The following PSMD14 variants were observed in gnomAD, a reference collection of about 807,000 sequenced individuals.
PSMD14 encodes the protein proteasome 26S subunit, non-ATPase 14.
A neutral mutation model predicts 41.2 loss-of-function variants in PSMD14; 7 were observed. The ratio of observed to expected loss-of-function variants is 0.17; its 90% CI spans 0.10 to 0.32. PSMD14 has a LOEUF of 0.32. Among genes scored for constraint, PSMD14 ranks in the 10% least tolerant of loss-of-function variants. The pLI is 1.00. For synonymous variants in PSMD14, 114 were observed against 122.3 expected, an observed-to-expected ratio of 0.93 and a Z score of 0.45; for missense variants, 139 against 375.6, an observed-to-expected ratio of 0.37 and a Z score of 5.21.
chr2:161,363,114 T>G (rs891143070), intron 3 of PSMD14, among the ~76,000 whole-genome samples: 3 of 152,168 alleles, frequency 2.0e-5, no homozygotes, highest in Admixed American at 2.0e-4. Flanking sequence ...CGGCATTATA[T>G]TCTCATAGGA....
intron 3 of PSMD14, among the ~76,000 whole-genome samples, chr2:161,355,560 C>CT (rs1308022922): frequency 1.3e-5 from 2 of 151,832 alleles, no homozygotes; most frequent in South Asian, 2.1e-4. Context: ...TTTTGTCTTT[C>CT]TTTTTTTCTT....
At chr2:161,373,541 T>C (rs1192991105) in intron 7 of PSMD14, among the ~76,000 whole-genome samples, 1 of 151,924 alleles carries the variant, frequency 6.6e-6, no homozygotes, top group Non-Finnish European at 1.5e-5. Flanking sequence ...AGTTAAATCA[T>C]GATACTTAGG....
intron 3 of PSMD14, among the ~76,000 whole-genome samples, chr2:161,332,388 TA>T (rs1378298960): frequency 6.6e-6 from 1 of 152,196 alleles, no homozygotes; most frequent in Non-Finnish European, 1.5e-5. Flanking sequence ...TTGTTTTATT[TA>T]AAAAAATTAT....
chr2:161,318,499 C>G (rs928492517), intron 2 of PSMD14, among the ~76,000 whole-genome samples: 1 of 152,094 alleles, frequency 6.6e-6, no homozygotes, highest in Non-Finnish European at 1.5e-5. Flanking sequence ...GGCACTTTTT[C>G]TACATTCAGG....
At chr2:161,328,836 CTCTT>C (rs1326282103) in intron 3 of PSMD14, among the ~76,000 whole-genome samples, 6 of 152,106 alleles carry the variant, frequency 3.9e-5, no homozygotes, top group African/African-American at 1.4e-4. Flanking sequence ...ATAATGTTCT[CTCTT>C]TAGTACACAA....
In PSMD14 at chr2:161,329,390, T is replaced by C. The variant is rs1016698333; in HGVS notation, c.48+10517T>C. On this transcript the variant is annotated intron_variant, in intron 3 of 11. Coordinates refer to ENST00000409682, the MANE Select transcript of PSMD14 (RefSeq NM_005805.6). ...TGCTATAAGCACTGGCATAGTAGTA[T>C]GCAAATGAGCAGACCTTTACAAAAT... 5.3e-5 allele frequency among the ~76,000 whole-genome samples: 8 copies of C among 152,260 alleles called. 1 individual carries two copies. In the Middle Eastern group the frequency reaches 0.024, roughly 453 times the overall value.
intron 3 of PSMD14, among the ~76,000 whole-genome samples, chr2:161,332,846 A>G (rs533688097): frequency 1.3e-5 from 2 of 152,260 alleles, no homozygotes; most frequent in Admixed American, 1.3e-4. Context: ...CCTTTCCAGT[A>G]ATTTTGGTTG....
chr2:161,398,937 A>G (rs1322983561), intron 10 of PSMD14, among the ~76,000 whole-genome samples: 1 of 152,154 alleles, frequency 6.6e-6, no homozygotes, highest in African/African-American at 2.4e-5. Context: ...TTGCAATCAA[A>G]CATAAAAATC....
In PSMD14 at chr2:161,342,798, A is replaced by G. The variant is rs1278079638; in HGVS notation, c.48+23925A>G. On this transcript the variant is annotated intron_variant, in intron 3 of 11. Coordinates refer to ENST00000409682, the MANE Select transcript of PSMD14 (RefSeq NM_005805.6). ...TCCTTTCTCTGACTCCTTTGAGATT[A>G]ATTGGATATTGTAATGATTCCATTA... Among the ~76,000 whole-genome samples the G allele has an allele frequency of 2.6e-5, 4 of 152,084 alleles. No individual in the cohort carries two copies. The East Asian group carries it at 7.7e-4, about 29-fold the overall frequency.
chr2:161,358,860 C>A (rs962190753), intron 3 of PSMD14, among the ~76,000 whole-genome samples: 1 of 152,132 alleles, frequency 6.6e-6, no homozygotes, highest in African/African-American at 2.4e-5. Flanking sequence ...AGAGTCACTT[C>A]AATATCTTTA....
intron 3 of PSMD14, among the ~76,000 whole-genome samples, chr2:161,356,003 T>C (rs997250660): frequency 6.6e-6 from 1 of 152,184 alleles, no homozygotes; most frequent in African/African-American, 2.4e-5. Context: ...TGCTCTACTC[T>C]TCTCTTCTGA....
At chr2:161,357,837 G>T (rs554638087) in intron 3 of PSMD14, among the ~76,000 whole-genome samples, 26 of 150,912 alleles carry the variant, frequency 1.7e-4, no homozygotes, top group African/African-American at 5.8e-4. Flanking sequence ...ATTCTAATAG[G>T]TATTATTAAA....
At chr2:161,361,624 A>G (rs1400060409) in intron 3 of PSMD14, among the ~76,000 whole-genome samples, 1 of 152,236 alleles carries the variant, frequency 6.6e-6, no homozygotes, top group East Asian at 1.9e-4. Context: ...TATGAGAAAA[A>G]GAAAACATAA....
At chr2:161,333,589 G>A (rs1682824913) in intron 3 of PSMD14, among the ~76,000 whole-genome samples, 1 of 152,238 alleles carries the variant, frequency 6.6e-6, no homozygotes. Context: ...GAATGAGAAT[G>A]CAGTGTAAAT....
chr2:161,311,786 T>C lies in PSMD14; in HGVS notation c.-138+3182T>C, dbSNP rs550416797. On this transcript the variant is annotated intron_variant, in intron 1 of 11. Coordinates refer to ENST00000409682, the MANE Select transcript of PSMD14 (RefSeq NM_005805.6). Reference sequence around the variant, plus strand: ...CCTGCCATCACGCCCGGCTAGTTTTTATATTTTTAGTAGAGACCAGGTTTC... The same window carrying C: ...CCTGCCATCACGCCCGGCTAGTTTTCATATTTTTAGTAGAGACCAGGTTTC... Among the ~76,000 whole-genome samples the C allele has an allele frequency of 2.0e-5, 3 of 152,080 alleles. No homozygotes were observed. The East Asian group carries it at 5.8e-4, about 29-fold the overall frequency.
intron 3 of PSMD14, among the ~76,000 whole-genome samples, chr2:161,349,692 G>T (rs992958297): frequency 1.3e-5 from 2 of 152,164 alleles, no homozygotes; most frequent in African/African-American, 4.8e-5. Context: ...TACATGATGA[G>T]GAGAAGAGTT....
At chr2:161,346,008 C>CTGT (rs1683036783) in intron 3 of PSMD14, among the ~76,000 whole-genome samples, 1 of 152,126 alleles carries the variant, frequency 6.6e-6, no homozygotes, top group Non-Finnish European at 1.5e-5. Flanking sequence ...CCTCCCACCT[C>CTGT]AGTCTCCCGA....
At chr2:161,340,863 T>G in intron 3 of PSMD14, 1 of 1,614,000 alleles carries the variant, frequency 6.2e-7, no homozygotes, top group South Asian at 1.1e-5. Flanking sequence ...GGTCATCATC[T>G]TCTCGTACTG....
intron 1 of PSMD14, among the ~76,000 whole-genome samples, chr2:161,315,789 A>C (rs1405810709): frequency 6.6e-6 from 1 of 151,832 alleles, no homozygotes; most frequent in Non-Finnish European, 1.5e-5. Flanking sequence ...CAGTAATGAC[A>C]TGATAGAATG....
Sources: gnomAD v4.1 joint callset for allele counts (sites outside exome capture counted in the v4.1 genomes callset) on GRCh38, gnomAD v4.1.1 for gene constraint, MANE v1.5 for transcripts, NCBI Gene and HGNC (gene_info 2026-07-23, HGNC 2026-07-21) for gene names.